The following ERC2 variants were observed in gnomAD, a reference collection of about 807,000 sequenced individuals.
The protein encoded by ERC2 is ERC protein 2.
Under a neutral mutation model 114.8 loss-of-function variants are expected in ERC2, and 42 were observed. The ratio of observed to expected loss-of-function variants is 0.37; its 90% CI spans 0.29 to 0.47. ERC2 has a LOEUF of 0.47. Ranked by LOEUF, ERC2 falls within the 20% of genes least tolerant of loss-of-function variation. The pLI, the probability that ERC2 is intolerant of heterozygous loss-of-function variation, is 0.99. For synonymous variants in ERC2, 454 were observed against 425.5 expected, an observed-to-expected ratio of 1.07 and a Z score of -0.82; for missense variants, 939 against 1,150.7, an observed-to-expected ratio of 0.82 and a Z score of 2.66.
intron 2 of ERC2, among the ~76,000 whole-genome samples, chr3:56,406,231 C>T (rs140625224): frequency 0.011 from 1,718 of 152,234 alleles, 16 homozygotes; most frequent in Middle Eastern, 0.031. Context: ...TATACATTTG[C>T]CAATTTCATT....
chr3:56,072,998 G>A (rs988565990), intron 7 of ERC2, among the ~76,000 whole-genome samples: 1 of 152,074 alleles, frequency 6.6e-6, no homozygotes, highest in Non-Finnish European at 1.5e-5. Context: ...ACATATATAA[G>A]TATAGATTAC....
chr3:55,971,368 C>T (rs987206422), intron 12 of ERC2, among the ~76,000 whole-genome samples: 2 of 151,954 alleles, frequency 1.3e-5, no homozygotes, highest in African/African-American at 4.8e-5. Flanking sequence ...TAAAAAATTA[C>T]AAATGCTAGT....
intron 6 of ERC2, among the ~76,000 whole-genome samples, chr3:56,128,030 C>A (rs73078455): frequency 0.026 from 3,918 of 152,004 alleles, 100 homozygotes; most frequent in African/African-American, 0.061. Context: ...GAGCTGAGAT[C>A]GCCTGCACTC....
chr3:56,211,967 A>G (rs2049092593), intron 3 of ERC2, among the ~76,000 whole-genome samples: 1 of 152,166 alleles, frequency 6.6e-6, no homozygotes, highest in South Asian at 2.1e-4. Flanking sequence ...TGGATCAAAG[A>G]CTCAAATCTG....
At chr3:56,286,759 C>T (rs2054749154) in intron 3 of ERC2, among the ~76,000 whole-genome samples, 1 of 150,294 alleles carries the variant, frequency 6.7e-6, no homozygotes, top group Non-Finnish European at 1.5e-5. Context: ...TTCTTAGCTC[C>T]CAGGCCATTT....
At chr3:55,736,484 C>T (rs1011568635) in intron 14 of ERC2, among the ~76,000 whole-genome samples, 26 of 152,174 alleles carry the variant, frequency 1.7e-4, no homozygotes, top group African/African-American at 5.8e-4. Context: ...GGTCATCTGT[C>T]ACATTACACT....
chr3:55,857,934 C>T (rs2149256326), intron 14 of ERC2, among the ~76,000 whole-genome samples: 1 of 152,328 alleles, frequency 6.6e-6, no homozygotes, highest in South Asian at 2.1e-4. Context: ...GGTCTACAAA[C>T]TCCCAGCCTC....
intron 14 of ERC2, among the ~76,000 whole-genome samples, chr3:55,795,263 T>G (rs2070381496): frequency 6.6e-6 from 1 of 152,196 alleles, no homozygotes; most frequent in South Asian, 2.1e-4. Context: ...GCATCCTGGA[T>G]GGTACAATGC....
chr3:56,154,649 G>A (rs997065349), intron 4 of ERC2, among the ~76,000 whole-genome samples: 4 of 152,100 alleles, frequency 2.6e-5, no homozygotes, highest in African/African-American at 9.7e-5. Flanking sequence ...CTAAGAAAAA[G>A]AGCTAAATCT....
In ERC2 at chr3:55,643,539, A is replaced by T. The variant is rs555541716; in HGVS notation, c.*39+40255T>A. Among the ~76,000 whole-genome samples, 37 of 152,354 alleles carry T rather than the reference A, an allele frequency of 2.4e-4. No individual in the cohort carries two copies. In the South Asian group the frequency reaches 4.8e-3, roughly 20 times the overall value. On this transcript the variant is annotated intron_variant, in intron 17 of 17. Coordinates refer to ENST00000288221, the MANE Select transcript of ERC2 (RefSeq NM_015576.3). ...TTAGGGTTACAATCTTGGGCAAGCC[A>T]CTCAATCTGTCTGTACGTCACTTTC...
intron 3 of ERC2, among the ~76,000 whole-genome samples, chr3:56,204,733 C>T (rs2048612459): frequency 6.6e-6 from 1 of 151,822 alleles, no homozygotes; most frequent in South Asian, 2.1e-4. Context: ...GATCTCTTGA[C>T]CTCATGATCC....
At chr3:55,810,811 G>T (rs1003751782) in intron 14 of ERC2, among the ~76,000 whole-genome samples, 1 of 152,112 alleles carries the variant, frequency 6.6e-6, no homozygotes, top group Non-Finnish European at 1.5e-5. Context: ...ACCTTAATGG[G>T]TATATTGTTG....
intron 14 of ERC2, among the ~76,000 whole-genome samples, chr3:55,865,234 G>T (rs1045827953): frequency 3.3e-5 from 5 of 152,148 alleles, no homozygotes; most frequent in Non-Finnish European, 7.4e-5. Context: ...TAAGTTGATT[G>T]AATTCAAATG....
At position 56,123,955 on chromosome 3, in the gene ERC2, C is replaced by A. The variant is rs1352842674; in HGVS notation, c.1473+15554G>T. On this transcript the variant is annotated intron_variant, in intron 6 of 17. Transcript: ENST00000288221. ...CCTAACTTACCCAGGGCTTTCTCAG[C>A]CAATTTGTATTACAGATAATTGTTA... 2.0e-5 allele frequency among the ~76,000 whole-genome samples: 3 copies of A among 152,132 alleles called. No individual in the cohort carries two copies. The East Asian group carries it at 5.8e-4, about 29-fold the overall frequency.
At chr3:55,585,066 G>A (rs2057528527) in intron 17 of ERC2, among the ~76,000 whole-genome samples, 1 of 152,194 alleles carries the variant, frequency 6.6e-6, no homozygotes, top group Non-Finnish European at 1.5e-5. Context: ...GGCTCTTTCG[G>A]GCAGGCTGCT....
intron 12 of ERC2, among the ~76,000 whole-genome samples, chr3:55,957,790 C>A (rs1388208859): frequency 2.0e-5 from 3 of 152,156 alleles, no homozygotes; most frequent in African/African-American, 7.2e-5. Context: ...CCAGGTGTAC[C>A]ACAAGCAACT....
chr3:56,308,014 T>C (rs2056333290), intron 2 of ERC2, among the ~76,000 whole-genome samples: 1 of 152,172 alleles, frequency 6.6e-6, no homozygotes, highest in South Asian at 2.1e-4. Flanking sequence ...TAGCTATAGC[T>C]AGATTGAGGG....
intron 13 of ERC2, among the ~76,000 whole-genome samples, chr3:55,943,852 T>A (rs1362003697): frequency 1.3e-5 from 2 of 152,098 alleles, no homozygotes; most frequent in Non-Finnish European, 2.9e-5. Context: ...GAGTCAGGGG[T>A]AAACAGAGGC....
At chr3:56,255,579 T>C (rs1013349397) in intron 3 of ERC2, among the ~76,000 whole-genome samples, 10 of 152,142 alleles carry the variant, frequency 6.6e-5, no homozygotes, top group African/African-American at 2.4e-4. Context: ...CTGAGGAATA[T>C]ACAGCCTAGA....
Sources: gnomAD v4.1 joint callset for allele counts (sites outside exome capture counted in the v4.1 genomes callset) on GRCh38, gnomAD v4.1.1 for gene constraint, MANE v1.5 for transcripts, NCBI Gene and HGNC (gene_info 2026-07-23, HGNC 2026-07-21) for gene names.